The following UTRN variants were observed in gnomAD, a reference collection of about 807,000 sequenced individuals.
UTRN encodes the protein dystrophin-related protein 1.
In UTRN, 283 loss-of-function variants were observed where a neutral mutation model predicts 463.9. The observed-to-expected ratio is 0.61, with a 90% confidence interval of 0.55 to 0.67. UTRN has a LOEUF of 0.67. Among genes scored for constraint, UTRN ranks in the 30% least tolerant of loss-of-function variants. The pLI is 0.00. For missense variants in UTRN, 3,922 were observed against 4,084.3 expected, an observed-to-expected ratio of 0.96 and a Z score of 1.08; for synonymous variants, 1,442 against 1,431.5, an observed-to-expected ratio of 1.01 and a Z score of -0.17.
chr6:144,577,317 C>T (rs773275589), intron 51 of UTRN, 29 bp downstream of exon 51: 13 of 1,607,904 alleles, frequency 8.1e-6, no homozygotes, highest in East Asian at 2.2e-5. Flanking sequence ...ACACCAGTAC[C>T]TGTGTTTGCC....
At chr6:144,521,008 G>A (rs558067843) in intron 39 of UTRN, among the ~76,000 whole-genome samples, 13 of 151,976 alleles carry the variant, frequency 8.6e-5, no homozygotes, top group African/African-American at 2.9e-4. Context: ...GAAGAGGGCC[G>A]GGCATGGTGG....
intron 51 of UTRN, among the ~76,000 whole-genome samples, chr6:144,617,999 A>G (rs1806323884): frequency 6.6e-6 from 1 of 152,128 alleles, no homozygotes; most frequent in Non-Finnish European, 1.5e-5. Flanking sequence ...CTTTGACTGT[A>G]TTGTATTGTT....
At chr6:144,444,681 G>T (rs540622697) in intron 14 of UTRN, among the ~76,000 whole-genome samples, 1 of 152,252 alleles carries the variant, frequency 6.6e-6, no homozygotes, top group Admixed American at 6.5e-5. Context: ...TTTGTGTTGG[G>T]TGATGTATTT....
chr6:144,631,237 G>GAGAAAGAGAGA (rs111543509), intron 51 of UTRN, among the ~76,000 whole-genome samples: 1 of 147,418 alleles, frequency 6.8e-6, no homozygotes, highest in African/African-American at 2.5e-5. Flanking sequence ...GAGAGAGAGA[G>GAGAAAGAGAGA]GTGTGTGTGT....
chr6:144,449,946 G>A (rs1788088194), intron 17 of UTRN, among the ~76,000 whole-genome samples: 1 of 152,156 alleles, frequency 6.6e-6, no homozygotes, highest in Admixed American at 6.5e-5. Flanking sequence ...GGGTGCTGGT[G>A]AGGATTCCTT....
At chr6:144,357,519 G>A (rs1278794564) in intron 2 of UTRN, among the ~76,000 whole-genome samples, 1 of 152,128 alleles carries the variant, frequency 6.6e-6, no homozygotes, top group Non-Finnish European at 1.5e-5. Context: ...TGCTTACATT[G>A]TGTAAACACT....
At chr6:144,760,843 G>A (rs1373159634) in intron 58 of UTRN, among the ~76,000 whole-genome samples, 1 of 152,116 alleles carries the variant, frequency 6.6e-6, no homozygotes, top group Non-Finnish European at 1.5e-5. Flanking sequence ...AATATTCAAC[G>A]TTTTTGGTGT....
At chr6:144,400,448 A>T (rs932336432) in intron 2 of UTRN, among the ~76,000 whole-genome samples, 1 of 152,150 alleles carries the variant, frequency 6.6e-6, no homozygotes, top group East Asian at 1.9e-4. Context: ...TGCTATTTTT[A>T]CGTGCCCGAG....
intron 62 of UTRN, among the ~76,000 whole-genome samples, chr6:144,789,966 G>A (rs1392861965): frequency 5.3e-5 from 8 of 152,192 alleles, no homozygotes; most frequent in Admixed American, 4.6e-4. Context: ...CCACTTAGTA[G>A]CTGAGTGTCT....
intron 51 of UTRN, among the ~76,000 whole-genome samples, chr6:144,672,478 C>T (rs555464491): frequency 5.5e-4 from 83 of 151,880 alleles, no homozygotes; most frequent in Admixed American, 1.5e-3. Context: ...AGCCTTGAAT[C>T]ATCTTTTGTA....
At position 144,398,324 on chromosome 6, in the gene UTRN, T is replaced by C. The variant is rs1782639547; in HGVS notation, c.80-4799T>C. ...TTTGGGCTTCCTTGTCCTCAATAGA[T>C]TTGCTTGTTGGGCCACACTTGTGCC... On this transcript the variant is annotated intron_variant, in intron 2 of 74. Coordinates refer to ENST00000367545, the MANE Select transcript of UTRN (RefSeq NM_007124.3). 4 of 322,836 alleles carry C rather than the reference T, an allele frequency of 1.2e-5. No individual in the cohort carries two copies. In the South Asian group the frequency reaches 1.3e-4, roughly 11 times the overall value. 20.0% of individuals were successfully genotyped at this position (322,836 alleles called of 1,614,324 possible). A position where few individuals can be genotyped will look rare whatever the true frequency, so the allele number is the denominator to read the frequency against.
chr6:144,424,707 T>C (rs745895166), intron 6 of UTRN, among the ~76,000 whole-genome samples: 15 of 152,186 alleles, frequency 9.9e-5, no homozygotes, highest in Non-Finnish European at 2.9e-5. Context: ...CAGGAATAGT[T>C]CAAAGAATTC....
At chr6:144,762,870 T>C (rs1382753132) in intron 58 of UTRN, among the ~76,000 whole-genome samples, 1 of 152,222 alleles carries the variant, frequency 6.6e-6, no homozygotes, top group East Asian at 1.9e-4. Context: ...TTTAATAGAA[T>C]TTAATAAGAT....
chr6:144,548,678 G>A lies in UTRN; in HGVS notation c.6634G>A (p.Ala2212Thr). ...CCAAAAGGTGGTGCTAGTATCATCT[G>A]CGTCAGATATTCCTGTTCAGTCTCA... ...NVQKVVLVSS[A>T]SDIPVQSHRT... Residue 2212 changes from alanine (A) to threonine (T), a missense_variant, in exon 47 of 75, where the codon GCG (alanine) becomes ACG (threonine). Around this residue, in one of 3 missense-constraint regions of UTRN, gnomAD observed 2,349 missense variants for 2,303.8 expected, o/e 1.02. Transcript: ENST00000367545. 6.2e-7 allele frequency: 1 copy of A among 1,613,960 alleles called. No homozygotes were observed. The highest frequency in any genetic ancestry group is 8.5e-7 in the Non-Finnish European group (1 of 1,179,924).
intron 53 of UTRN, among the ~76,000 whole-genome samples, chr6:144,710,648 T>C (rs1785582972): frequency 6.6e-6 from 1 of 152,232 alleles, no homozygotes; most frequent in Non-Finnish European, 1.5e-5. Flanking sequence ...ATTTGAGACC[T>C]GGGGCCTAGC....
intron 71 of UTRN, among the ~76,000 whole-genome samples, chr6:144,837,838 G>A (rs1215439073): frequency 6.6e-6 from 1 of 152,134 alleles, no homozygotes; most frequent in African/African-American, 2.4e-5. Context: ...GGGTGAGGCT[G>A]TTCAATGGAA....
rs551192589 is a variant in UTRN, at chr6:144,440,349, T to C, written c.1393-3T>C. 440 of 1,614,164 alleles carry C rather than the reference T, an allele frequency of 2.7e-4. 8 individuals are homozygous for C. The South Asian group carries it at 4.6e-3, about 17-fold the overall frequency. Reference sequence around the variant, plus strand: ...AATGGTTTATCTTAATTTTTTTCTCTAGAGTTTGCAAAGTGATCTTGAGGC... The same window carrying C: ...AATGGTTTATCTTAATTTTTTTCTCCAGAGTTTGCAAAGTGATCTTGAGGC... On this transcript the variant is annotated splice_region_variant and splice_polypyrimidine_tract_variant and intron_variant, in intron 12 of 74. Transcript: ENST00000367545.
chr6:144,698,224 C>T (rs138360248), intron 52 of UTRN, among the ~76,000 whole-genome samples: 109 of 152,034 alleles, frequency 7.2e-4, no homozygotes, highest in African/African-American at 2.6e-3. Context: ...ACATATTTGG[C>T]CTAAAGTTAA....
At chr6:144,630,459 T>A (rs1776390481) in intron 51 of UTRN, among the ~76,000 whole-genome samples, 1 of 152,164 alleles carries the variant, frequency 6.6e-6, no homozygotes. Context: ...CAAAGTCACG[T>A]CTTGCATGGC....
Sources: gnomAD v4.1 joint callset for allele counts (sites outside exome capture counted in the v4.1 genomes callset) on GRCh38, gnomAD v4.1.1 for gene constraint, gnomAD v4.1.1 regional missense constraint, MANE v1.5 for transcripts, NCBI Gene and HGNC (gene_info 2026-07-23, HGNC 2026-07-21) for gene names.